The following ATP6V1E1 variants were observed in gnomAD, a reference collection of about 807,000 sequenced individuals.
ATP6V1E1 encodes the protein V-type proton ATPase subunit E 1.
ATP6V1E1 carries 21 observed loss-of-function variants against 35.2 expected under a neutral mutation model. That is an observed-to-expected ratio of 0.60 (90% confidence interval 0.42 to 0.86). ATP6V1E1 has a LOEUF of 0.86. ATP6V1E1 is among the 40% of genes least tolerant of loss of function. The pLI is 0.00. For missense variants in ATP6V1E1, 183 were observed against 272.6 expected, an observed-to-expected ratio of 0.67 and a Z score of 2.32; for synonymous variants, 83 against 87.8, an observed-to-expected ratio of 0.95 and a Z score of 0.30.
At position 17,628,743 on chromosome 22, in the gene ATP6V1E1, A is replaced by C; in HGVS notation, c.-108T>G. 6.8e-7 allele frequency: 1 copy of C among 1,481,436 alleles called. No individual in the cohort carries two copies. The highest frequency in any genetic ancestry group is 9.4e-7 in the Non-Finnish European group (1 of 1,062,412). The allele number at this position is 1,481,436 out of a possible 1,614,324, so 91.8% of individuals were successfully genotyped here. On this transcript the variant is annotated 5_prime_UTR_variant, in exon 1 of 9. Transcript: ENST00000253413. The stretch of plus-strand genomic sequence containing the variant: ...CCCTGCGCAGATCTCGGGTTCCTTT[A>C]CTTTATAACCGCGGGTTCCGGTTCC...
intron 1 of ATP6V1E1, among the ~76,000 whole-genome samples, chr22:17,627,925 A>G (rs1160568460): frequency 6.7e-6 from 1 of 150,012 alleles, no homozygotes; most frequent in Non-Finnish European, 1.5e-5. Context: ...GTTTCCTATC[A>G]TATAGCCTTA....
intron 2 of ATP6V1E1, 54 bp downstream of exon 2, chr22:17,619,407 G>C: frequency 6.7e-7 from 1 of 1,487,660 alleles, no homozygotes; most frequent in East Asian, 2.3e-5. Context: ...ATTTAGCAAA[G>C]CAAAACAATA....
intron 5 of ATP6V1E1, 145 bp downstream of exon 5, chr22:17,600,946 TA>T: frequency 1.6e-6 from 1 of 620,280 alleles, no homozygotes; most frequent in Non-Finnish European, 2.7e-6. Context: ...AGAGTGAAAG[TA>T]AAAAAGCTAA....
chr22:17,599,565 G>A (rs1386480921), intron 6 of ATP6V1E1, among the ~76,000 whole-genome samples: 351 of 99,360 alleles, frequency 3.5e-3, no homozygotes, highest in African/African-American at 0.013. Flanking sequence ...AAATGAGAGC[G>A]AAACTCCATC....
intron 2 of ATP6V1E1, 44 bp from the exon 3 acceptor site, chr22:17,613,364 G>A (rs1249673002): frequency 4.5e-6 from 7 of 1,546,754 alleles, no homozygotes; most frequent in Non-Finnish European, 6.2e-6. Flanking sequence ...ATCAAGTTTT[G>A]ATTAACAGTT....
chr22:17,627,107 T>C lies in ATP6V1E1; in HGVS notation c.33+1496A>G, dbSNP rs374301688. Among the ~76,000 whole-genome samples the C allele has an allele frequency of 3.3e-5, 5 of 152,036 alleles. No individual in the cohort carries two copies. The East Asian group carries it at 5.8e-4, about 18-fold the overall frequency. Reference sequence around the variant, plus strand: ...CGGGTTCAAGCGATTCTCCTGCCTCTGCCTCCTGAGTAGCTGGGACTACAG... The same window carrying C: ...CGGGTTCAAGCGATTCTCCTGCCTCCGCCTCCTGAGTAGCTGGGACTACAG... On this transcript the variant is annotated intron_variant, in intron 1 of 8. Transcript: ENST00000253413.
intron 4 of ATP6V1E1, among the ~76,000 whole-genome samples, chr22:17,609,464 CT>C (rs61116267): frequency 0.076 from 6,851 of 90,344 alleles, 176 homozygotes; most frequent in African/African-American, 0.15. Flanking sequence ...CCATCCTGCT[CT>C]TTTTTTTTTT....
chr22:17,620,922 C>T (rs539762030), intron 1 of ATP6V1E1, among the ~76,000 whole-genome samples: 5 of 152,144 alleles, frequency 3.3e-5, no homozygotes, highest in African/African-American at 7.2e-5. Flanking sequence ...AATTAGCCGG[C>T]GTGGTGGCGG....
At chr22:17,600,209 C>A (rs942704347) in intron 5 of ATP6V1E1, 114 bp from the exon 6 acceptor site, 27 of 879,352 alleles carry the variant, frequency 3.1e-5, no homozygotes, top group Non-Finnish European at 4.6e-5. Flanking sequence ...CCAAGGCGGG[C>A]GGATTGCCTG....
At chr22:17,602,179 T>A (rs1388698540) in intron 4 of ATP6V1E1, among the ~76,000 whole-genome samples, 1 of 152,208 alleles carries the variant, frequency 6.6e-6, no homozygotes, top group Non-Finnish European at 1.5e-5. Flanking sequence ...AGTGCTGGGA[T>A]TACAGGAGTG....
chr22:17,627,101 T>G (rs1217932555), intron 1 of ATP6V1E1, among the ~76,000 whole-genome samples: 1 of 152,104 alleles, frequency 6.6e-6, no homozygotes, highest in Non-Finnish European at 1.5e-5. Flanking sequence ...GCGATTCTCC[T>G]GCCTCTGCCT....
At chr22:17,594,103 G>A (rs2057719119) in intron 8 of ATP6V1E1, among the ~76,000 whole-genome samples, 1 of 152,160 alleles carries the variant, frequency 6.6e-6, no homozygotes, top group Non-Finnish European at 1.5e-5. Context: ...TCGGGAGGCT[G>A]AAGCAGGAGA....
At chr22:17,600,376 G>A (rs911003802) in intron 5 of ATP6V1E1, among the ~76,000 whole-genome samples, 1 of 152,118 alleles carries the variant, frequency 6.6e-6, no homozygotes, top group South Asian at 2.1e-4. Flanking sequence ...GACGGAGGTT[G>A]AAGTAAACAG....
intron 4 of ATP6V1E1, among the ~76,000 whole-genome samples, chr22:17,611,308 T>C (rs2057814450): frequency 6.6e-6 from 1 of 152,232 alleles, no homozygotes. Flanking sequence ...TGACTCTTTC[T>C]TTTGTATTTT....
At chr22:17,612,286 T>C (rs547907275) in intron 4 of ATP6V1E1, among the ~76,000 whole-genome samples, 2 of 152,334 alleles carry the variant, frequency 1.3e-5, no homozygotes, top group East Asian at 3.9e-4. Flanking sequence ...CAAATAGCTC[T>C]ACACTTTCTC....
In ATP6V1E1 at chr22:17,614,970, T is replaced by TAAAA. The variant is rs1555861240; in HGVS notation, c.100-1651_100-1650insTTTT. 3.9e-3 allele frequency among the ~76,000 whole-genome samples: 490 copies of TAAAA among 126,124 alleles called. 2 individuals are homozygous for TAAAA. Among genetic ancestry groups the TAAAA allele is most frequent in the African/African-American group, 0.014 (462 of 32,716 alleles). 82.7% of individuals were successfully genotyped at this position (126,124 alleles called of 152,430 possible). A position where few individuals can be genotyped will look rare whatever the true frequency, so the allele number is the denominator to read the frequency against. ...ACACCGTTTCAAAAAAAAAAAAAAT[T>TAAAA]TTTTTTCCCTCATGGGTAAGTGTCG... On this transcript the variant is annotated intron_variant, in intron 2 of 8. Coordinates refer to ENST00000253413, the MANE Select transcript of ATP6V1E1 (RefSeq NM_001696.4).
At chr22:17,607,772 A>T (rs534729015) in intron 4 of ATP6V1E1, among the ~76,000 whole-genome samples, 1 of 152,058 alleles carries the variant, frequency 6.6e-6, no homozygotes, top group African/African-American at 2.4e-5. Flanking sequence ...TTAAATGCTG[A>T]CTCCTGACTA....
chr22:17,593,305 C>T (rs777141572), intron 8 of ATP6V1E1, among the ~76,000 whole-genome samples: 1 of 152,100 alleles, frequency 6.6e-6, no homozygotes, highest in Non-Finnish European at 1.5e-5. Flanking sequence ...CCTAAAGTCA[C>T]TACTATCTCA....
Position 17,594,540 on chromosome 22 carries a change from T to A in ATP6V1E1, c.607A>T (p.Ile203Leu). Residue 203 changes from isoleucine (I) to leucine (L), a missense_variant, in exon 8 of 9, where the codon ATA (isoleucine) becomes TTA (leucine). By Grantham distance (5) the Ile-to-Leu change is conservative. Transcript: ENST00000253413. Reference sequence around the variant, plus strand: ...ACCCCCACACTCACCTGCTGGGCTATGAGATCCAGCCGGCTTTCCAGGGTG... The same window carrying A: ...ACCCCCACACTCACCTGCTGGGCTAAGAGATCCAGCCGGCTTTCCAGGGTG... ...SNTLESRLDL[I>L]AQQMMPEVRG... is the part of the protein sequence containing the mutation. The A allele has an allele frequency of 6.3e-7, 1 of 1,588,818 alleles. No homozygotes were observed. The highest frequency in any genetic ancestry group is 8.6e-7 in the Non-Finnish European group (1 of 1,167,726).
Sources: allele counts gnomAD v4.1 joint callset (sites outside exome capture counted in the v4.1 genomes callset), GRCh38; gene constraint gnomAD v4.1.1; transcripts MANE v1.5; gene names NCBI Gene and HGNC (gene_info 2026-07-23, HGNC 2026-07-21).